Variants in RAB38 observed in about 807,000 individuals in gnomAD.
RAB38 encodes the protein ras-related protein Rab-38.
Under a neutral mutation model 18.4 loss-of-function variants are expected in RAB38, and 15 were observed. That is an observed-to-expected ratio of 0.82 (90% CI 0.55 to 1.26). The LOEUF (loss-of-function observed/expected upper bound fraction) is 1.26, where lower values mean the gene tolerates loss of function less well. Ranked by LOEUF, RAB38 falls within the 50% of genes most tolerant of loss-of-function variation. The probability of loss-of-function intolerance (pLI) is 0.00; values close to 1 mark genes in which losing one functional copy is unlikely to be tolerated. For missense variants in RAB38, 294 were observed against 267.4 expected, an observed-to-expected ratio of 1.10 and a Z score of -0.69; for synonymous variants, 101 against 104.4, an observed-to-expected ratio of 0.97 and a Z score of 0.20.
chr11:88,175,215 G>A lies in RAB38; in HGVS notation c.170C>T (p.Thr57Ile). ...ALKVLHWDPE[T>I]VVRLQLWDIA... The stretch of plus-strand genomic sequence containing the variant: ...ATCCCAGAGCTGCAGGCGCACCACA[G>A]TCTCCGGGTCCCAGTGGAGCACCTT... Residue 57 changes from threonine (T) to isoleucine (I), a missense_variant, in exon 1 of 3, where the codon ACT becomes ATT. Physicochemically the swap from Thr to Ile is moderately conservative, Grantham distance 89. Transcript: ENST00000243662. The A allele has an allele frequency of 6.2e-7, 1 of 1,613,388 alleles. No homozygotes were observed. The highest frequency in any genetic ancestry group is 8.5e-7 in the Non-Finnish European group (1 of 1,179,708).
intron 2 of RAB38, among the ~76,000 whole-genome samples, chr11:88,123,297 C>T (rs1942652741): frequency 6.6e-6 from 1 of 151,914 alleles, no homozygotes; most frequent in South Asian, 2.1e-4. Flanking sequence ...AGCACAGTGC[C>T]TACAAACAGT....
At chr11:88,060,687 C>G in the RAB38 span, among the ~76,000 whole-genome samples, 3 of 152,252 alleles carry the variant, frequency 2.0e-5, no homozygotes, top group East Asian at 5.8e-4. Flanking sequence ...TTTGTATACC[C>G]TATATATTTA....
the RAB38 span, among the ~76,000 whole-genome samples, chr11:88,048,988 C>T: frequency 0.014 from 2,143 of 152,250 alleles, 45 homozygotes; most frequent in African/African-American, 0.048. Flanking sequence ...CAGGCCATCA[C>T]CAATAATTCT....
chr11:87,867,564 TTTATGA>T, the RAB38 span, among the ~76,000 whole-genome samples: 1 of 151,766 alleles, frequency 6.6e-6, no homozygotes, highest in African/African-American at 2.4e-5. Context: ...AGAATTGGAC[TTTATGA>T]TTATCTCAAA....
chr11:87,849,321 T>TC, the RAB38 span, among the ~76,000 whole-genome samples: 1 of 152,156 alleles, frequency 6.6e-6, no homozygotes, highest in Admixed American at 6.6e-5. Context: ...CCTTCCCTCA[T>TC]CCTTCTACTT....
the RAB38 span, among the ~76,000 whole-genome samples, chr11:87,819,987 T>G: frequency 6.6e-6 from 1 of 151,978 alleles, no homozygotes; most frequent in African/African-American, 2.4e-5. Flanking sequence ...GGAGGCCAAT[T>G]TTATGGATCA....
chr11:88,035,141 A>T, the RAB38 span, among the ~76,000 whole-genome samples: 1 of 152,154 alleles, frequency 6.6e-6, no homozygotes, highest in Middle Eastern at 3.4e-3. Flanking sequence ...TCTCTCAAAG[A>T]CTTTTGCTTA....
At chr11:87,950,113 C>T in the RAB38 span, among the ~76,000 whole-genome samples, 5 of 152,180 alleles carry the variant, frequency 3.3e-5, no homozygotes, top group East Asian at 7.7e-4. Flanking sequence ...GTTACCTCTT[C>T]TTGTTGAATT....
the RAB38 span, among the ~76,000 whole-genome samples, chr11:87,875,723 A>C: frequency 6.6e-6 from 1 of 151,414 alleles, no homozygotes; most frequent in Non-Finnish European, 1.5e-5. Context: ...AATGTTTTTG[A>C]TATTACCTTA....
At chr11:87,939,602 A>G in the RAB38 span, among the ~76,000 whole-genome samples, 1 of 152,162 alleles carries the variant, frequency 6.6e-6, no homozygotes, top group Non-Finnish European at 1.5e-5. Flanking sequence ...TCACGCCTGT[A>G]ATCTCAGAAC....
the RAB38 span, among the ~76,000 whole-genome samples, chr11:87,969,052 A>G: frequency 6.6e-6 from 1 of 152,122 alleles, no homozygotes; most frequent in Admixed American, 6.6e-5. Context: ...TCAATATCTA[A>G]GGGTATGTGT....
At chr11:88,026,676 C>A in the RAB38 span, among the ~76,000 whole-genome samples, 3 of 151,976 alleles carry the variant, frequency 2.0e-5, no homozygotes, top group East Asian at 5.8e-4. Context: ...CTGCACCCGG[C>A]CGTTTTCTTC....
At chr11:87,814,698 A>G in the RAB38 span, among the ~76,000 whole-genome samples, 1 of 151,900 alleles carries the variant, frequency 6.6e-6, no homozygotes, top group East Asian at 1.9e-4. Flanking sequence ...ATTATACTAC[A>G]AGGGCAGTTT....
chr11:87,914,554 G>A, the RAB38 span, among the ~76,000 whole-genome samples: 1 of 152,132 alleles, frequency 6.6e-6, no homozygotes, highest in Non-Finnish European at 1.5e-5. Context: ...GGGAAGCAGA[G>A]CATAAAAATT....
chr11:87,874,834 G>A, the RAB38 span, among the ~76,000 whole-genome samples: 7 of 151,440 alleles, frequency 4.6e-5, no homozygotes, highest in African/African-American at 1.7e-4. Context: ...GGGAACCCTT[G>A]CAGGTTGCTG....
the RAB38 span, chr11:88,061,974 T>C: frequency 6.6e-6 from 1 of 152,222 alleles, no homozygotes; most frequent in Admixed American, 6.5e-5. Flanking sequence ...TATTTCAAAT[T>C]GCAACTTCCT....
the RAB38 span, among the ~76,000 whole-genome samples, chr11:88,065,088 C>T: frequency 5.3e-5 from 8 of 152,100 alleles, no homozygotes; most frequent in Non-Finnish European, 1.2e-4. Context: ...TCTGTCAGGG[C>T]CAGCATTTAA....
the RAB38 span, among the ~76,000 whole-genome samples, chr11:88,100,521 A>G: frequency 2.0e-5 from 3 of 152,010 alleles, no homozygotes; most frequent in East Asian, 5.8e-4. Flanking sequence ...AATCCATCAA[A>G]GAATCTGGCT....
At chr11:87,838,995 G>A in the RAB38 span, among the ~76,000 whole-genome samples, 130 of 152,244 alleles carry the variant, frequency 8.5e-4, no homozygotes, top group East Asian at 2.5e-3. Flanking sequence ...GCTGTATCCC[G>A]CAAAGCCCAT....
Sources: allele counts gnomAD v4.1 joint callset (sites outside exome capture counted in the v4.1 genomes callset), GRCh38; gene constraint gnomAD v4.1.1; transcripts MANE v1.5; gene names NCBI Gene and HGNC (gene_info 2026-07-23, HGNC 2026-07-21).